Variants in MMP26 observed in about 807,000 individuals in gnomAD.
The protein encoded by MMP26 is matrix metalloproteinase-26.
A neutral mutation model predicts 31.0 loss-of-function variants in MMP26; 33 were observed. The ratio of observed to expected loss-of-function variants is 1.06; its 90% CI spans 0.81 to 1.42. The LOEUF is 1.42. Among genes scored for constraint, MMP26 ranks in the 40% most tolerant of loss-of-function variants. The probability of loss-of-function intolerance (pLI) is 0.00; values close to 1 mark genes in which losing one functional copy is unlikely to be tolerated. For missense variants in MMP26, 347 were observed against 316.1 expected, an observed-to-expected ratio of 1.10 and a Z score of -0.74; for synonymous variants, 122 against 114.9, an observed-to-expected ratio of 1.06 and a Z score of -0.40.
chr11:4,807,126 T>A (rs114473939), intron 2 of MMP26, among the ~76,000 whole-genome samples: 2,262 of 152,296 alleles, frequency 0.015, 64 homozygotes, highest in African/African-American at 0.051. Context: ...CAATTTTTTT[T>A]AATAAACTTA....
At chr11:4,893,464 T>G (rs1299050127) in intron 2 of MMP26, among the ~76,000 whole-genome samples, 1 of 152,150 alleles carries the variant, frequency 6.6e-6, no homozygotes, top group African/African-American at 2.4e-5. Flanking sequence ...ACTGCTTTCT[T>G]CTCAGCTCAA....
intron 1 of MMP26, among the ~76,000 whole-genome samples, chr11:4,738,488 A>C (rs1308438636): frequency 6.6e-6 from 1 of 152,162 alleles, no homozygotes; most frequent in Non-Finnish European, 1.5e-5. Flanking sequence ...CTGATGTTTA[A>C]ATTTGTCCAT....
chr11:4,777,987 T>C lies in MMP26; in HGVS notation c.-145+10646T>C, dbSNP rs1448352100. Among the ~76,000 whole-genome samples the C allele has an allele frequency of 2.0e-5, 3 of 152,096 alleles. No individual in the cohort carries two copies. In the East Asian group the frequency reaches 5.8e-4, roughly 29 times the overall value. On this transcript the variant is annotated intron_variant, in intron 2 of 7. Coordinates refer to ENST00000380390, the MANE Select transcript of MMP26 (RefSeq NM_021801.5). ...TATACCTGAGAGTGGAATTGTTGGATGACTGAGTAGGTTTTTGTTTGGCTT... is the reference window on the plus strand; with the variant it reads ...TATACCTGAGAGTGGAATTGTTGGACGACTGAGTAGGTTTTTGTTTGGCTT...
intron 2 of MMP26, among the ~76,000 whole-genome samples, chr11:4,903,388 T>G (rs1369564681): frequency 6.6e-6 from 1 of 152,162 alleles, no homozygotes; most frequent in African/African-American, 2.4e-5. Context: ...TTGATACTTA[T>G]AGATTACTAT....
At chr11:4,905,595 C>T (rs1211008395) in intron 2 of MMP26, among the ~76,000 whole-genome samples, 1 of 152,082 alleles carries the variant, frequency 6.6e-6, no homozygotes, top group Admixed American at 6.6e-5. Context: ...AGCTTGTCTT[C>T]TTCTCTCTAG....
rs750143975 is a variant in MMP26 at position 4,988,189 on chromosome 11, A to G, written c.-23A>G. On this transcript the variant is annotated 5_prime_UTR_variant, in exon 3 of 8. Coordinates refer to ENST00000380390, the MANE Select transcript of MMP26 (RefSeq NM_021801.5). ...CCAAGTTGTGTACCTGAATTCAAGC[A>G]GTGGGACAAATGAGGGTTTGGCATG... 1 of 1,608,096 alleles carries G rather than the reference A, an allele frequency of 6.2e-7. No individual in the cohort carries two copies. The highest frequency in any genetic ancestry group is 1.1e-5 in the South Asian group (1 of 90,970).
intron 2 of MMP26, among the ~76,000 whole-genome samples, chr11:4,824,701 A>C (rs1055529300): frequency 6.6e-6 from 1 of 152,142 alleles, no homozygotes; most frequent in South Asian, 2.1e-4. Context: ...ACATTTTACC[A>C]AGAATATTTG....
chr11:4,803,422 T>C, intron 2 of MMP26: 1 of 1,556,076 alleles, frequency 6.4e-7, no homozygotes, highest in Non-Finnish European at 8.8e-7. Flanking sequence ...GGGGATACAC[T>C]GACCCTTTGC....
chr11:4,930,978 AT>A (rs1851338679), intron 2 of MMP26, among the ~76,000 whole-genome samples: 1 of 152,066 alleles, frequency 6.6e-6, no homozygotes, highest in South Asian at 2.1e-4. Flanking sequence ...CTAAGTATAG[AT>A]ACAACTAAAG....
At chr11:4,775,027 G>T (rs1479499344) in intron 2 of MMP26, among the ~76,000 whole-genome samples, 1 of 152,070 alleles carries the variant, frequency 6.6e-6, no homozygotes, top group Non-Finnish European at 1.5e-5. Context: ...TTTGGTTATT[G>T]CAGCCTTATA....
At chr11:4,846,998 T>C (rs1849879966) in intron 2 of MMP26, among the ~76,000 whole-genome samples, 1 of 152,210 alleles carries the variant, frequency 6.6e-6, no homozygotes, top group African/African-American at 2.4e-5. Flanking sequence ...AACCAGGGAC[T>C]GGCTCCAGGC....
chr11:4,773,437 G>A (rs12789215), intron 2 of MMP26, among the ~76,000 whole-genome samples: 14,435 of 152,154 alleles, frequency 0.095, 850 homozygotes, highest in Middle Eastern at 0.15. Context: ...AACTCAACAG[G>A]CCACAAGGAA....
chr11:4,805,834 G>C (rs927000110), intron 2 of MMP26, among the ~76,000 whole-genome samples: 1 of 152,032 alleles, frequency 6.6e-6, no homozygotes, highest in Admixed American at 6.5e-5. Context: ...TCCACTCTTT[G>C]AGTTTTTTGG....
At chr11:4,900,559 A>G (rs1407692867) in intron 2 of MMP26, among the ~76,000 whole-genome samples, 3 of 152,172 alleles carry the variant, frequency 2.0e-5, no homozygotes, top group Admixed American at 1.3e-4. Flanking sequence ...TTAGGAGCCA[A>G]TTATGCCACC....
Position 4,848,099 on chromosome 11 carries a change from T to C in MMP26, c.-145+80758T>C, listed in dbSNP as rs1343002458. The C allele has an allele frequency of 1.4e-5, 13 of 909,332 alleles. No individual in the cohort carries two copies. In the East Asian group the frequency reaches 2.4e-4, roughly 17 times the overall value. 56.3% of individuals were successfully genotyped at this position (909,332 alleles called of 1,614,324 possible). On this transcript the variant is annotated intron_variant, in intron 2 of 7. Coordinates refer to ENST00000380390, the MANE Select transcript of MMP26 (RefSeq NM_021801.5). ...TTTGCATCAATATACACAGGCATAC[T>C]TCCAGGGACAGGAAGCTACATGCAC... is the stretch of plus-strand genomic sequence containing the variant.
intron 2 of MMP26, chr11:4,914,919 G>C (rs1851053210): frequency 6.2e-7 from 1 of 1,614,006 alleles, no homozygotes; most frequent in Non-Finnish European, 8.5e-7. Context: ...GCACAGATGT[G>C]GGAAACACAG....
chr11:4,848,232 C>G (rs550018685), intron 2 of MMP26: 1 of 1,593,896 alleles, frequency 6.3e-7, no homozygotes, highest in South Asian at 1.2e-5. Context: ...GGAGGGACAT[C>G]CTACTCACTG....
intron 2 of MMP26, among the ~76,000 whole-genome samples, chr11:4,957,285 A>G (rs1237110622): frequency 6.6e-6 from 1 of 152,252 alleles, no homozygotes; most frequent in Non-Finnish European, 1.5e-5. Context: ...ACATCATTGT[A>G]AAAACATAAA....
chr11:4,792,631 G>C (rs1849044371), intron 2 of MMP26, among the ~76,000 whole-genome samples: 1 of 152,038 alleles, frequency 6.6e-6, no homozygotes, highest in South Asian at 2.1e-4. Context: ...ATAGTACTTG[G>C]GTCATTAGAA....
Sources: gnomAD v4.1 joint callset for allele counts (sites outside exome capture counted in the v4.1 genomes callset) on GRCh38, gnomAD v4.1.1 for gene constraint, MANE v1.5 for transcripts, NCBI Gene and HGNC (gene_info 2026-07-23, HGNC 2026-07-21) for gene names.